The following COCH variants were observed in gnomAD, a reference collection of about 807,000 sequenced individuals.
COCH encodes the protein coagulation factor C homolog, cochlin (Limulus polyphemus).
COCH carries 40 observed loss-of-function variants against 54.8 expected under a neutral mutation model. The ratio of observed to expected loss-of-function variants is 0.73; its 90% CI spans 0.57 to 0.95. The LOEUF is 0.95. Among genes scored for constraint, COCH ranks in the 40% least tolerant of loss-of-function variants. The probability of loss-of-function intolerance (pLI) is 0.00; values close to 1 mark genes in which losing one functional copy is unlikely to be tolerated. For missense variants in COCH, 605 were observed against 675.0 expected (o/e 0.90, Z 1.15); for synonymous variants, 256 against 237.9 (o/e 1.08, Z -0.70).
chr14:30,887,414 A>AAAAAAAAAC (rs1566414527), intron 11 of COCH, among the ~76,000 whole-genome samples: 1 of 148,436 alleles, frequency 6.7e-6, no homozygotes, highest in African/African-American at 2.4e-5. Context: ...AAAAAAAAAA[A>AAAAAAAAAC]AAAAAACTTT....
rs1028873214 is a variant in COCH, at chr14:30,886,125, C to A, written c.1290C>A (p.Val430=). 6.2e-7 allele frequency: 1 copy of A among 1,612,992 alleles called. No individual in the cohort carries two copies. Among genetic ancestry groups the A allele is most frequent in the African/African-American group, 1.3e-5 (1 of 74,908 alleles). The change falls in exon 11 of 12, where the codon GTC becomes GTA. Residue 430 remains valine (V), a synonymous_variant. Transcript: ENST00000396618. Reference sequence around the variant, plus strand: ...CTGACTATAGCACCAAAGAGAATGTCCTAGCTGTCATCAGAAACATCCGCT... The same window carrying A: ...CTGACTATAGCACCAAAGAGAATGTACTAGCTGTCATCAGAAACATCCGCT... ...SFTDYSTKEN[V]LAVIRNIRYM...
At chr14:30,879,078 C>A in intron 5 of COCH, 134 bp downstream of exon 5, 1 of 1,335,410 alleles carries the variant, frequency 7.5e-7, no homozygotes, top group Non-Finnish European at 1.1e-6. Flanking sequence ...TAGAGGTAAA[C>A]TGTAGGTTAG....
At position 30,884,544 on chromosome 14, in the gene COCH, T is replaced by C. The variant is rs368182881; in HGVS notation, c.630-9T>C. On this transcript the variant is annotated splice_polypyrimidine_tract_variant and intron_variant, in intron 8 of 11. Transcript: ENST00000396618. The stretch of plus-strand genomic sequence containing the variant: ...TCTCCCTGAATAACATTTTCTTTCT[T>C]CCACTCAGTGAACATCCCAAAATAG... 7.4e-4 allele frequency: 1,160 copies of C among 1,570,184 alleles called. 20 individuals carry two copies. In the South Asian group the frequency reaches 0.012, roughly 16 times the overall value.
chr14:30,883,953 A>G (rs1322275345), intron 8 of COCH, among the ~76,000 whole-genome samples: 1 of 152,178 alleles, frequency 6.6e-6, no homozygotes, highest in Non-Finnish European at 1.5e-5. Context: ...GGTCACATCA[A>G]TGAAATTGTT....
At position 30,874,910 on chromosome 14, in the gene COCH, T is replaced by C. The variant is rs781298231; in HGVS notation, c.-23-6T>C. ...TGGCCTTGCCCGCATTCTCCCTCTC[T>C]CCCAGGTGTGAGCAGCCTATCAGTC... On this transcript the variant is annotated splice_polypyrimidine_tract_variant and splice_region_variant and intron_variant, in intron 1 of 11. Transcript: ENST00000396618. The C allele has an allele frequency of 3.1e-6, 5 of 1,613,042 alleles. No homozygotes were observed. The African/African-American group carries it at 4.0e-5, about 13-fold the overall frequency.
At chr14:30,895,408 G>A (rs772576435), downstream of COCH, 2 of 1,591,720 alleles carry the variant, frequency 1.3e-6, no homozygotes, top group Non-Finnish European at 1.7e-6. Flanking sequence ...AGTTTTTGTT[G>A]ATTCATACAA....
At chr14:30,875,243 C>A in intron 3 of COCH, 140 bp downstream of exon 3, 2 of 1,224,582 alleles carry the variant, frequency 1.6e-6, no homozygotes, top group Non-Finnish European at 2.3e-6. Flanking sequence ...CGCCGCGTGG[C>A]GCGCCCGCGT....
At chr14:30,881,997 ATATT>A (rs1383293681) in intron 8 of COCH, among the ~76,000 whole-genome samples, 2 of 144,216 alleles carry the variant, frequency 1.4e-5, no homozygotes, top group African/African-American at 2.7e-5. Flanking sequence ...AAATAAATAA[ATATT>A]TATTTATTAA....
chr14:30,877,829 T>A lies in COCH; in HGVS notation c.239+101T>A. The A allele has an allele frequency of 6.4e-7, 1 of 1,573,116 alleles. No individual in the cohort carries two copies. Among genetic ancestry groups the A allele is most frequent in the Admixed American group, 1.8e-5 (1 of 55,950 alleles). ...CCTTTCCTCCCTGCATTCTTTCTTT[T>A]GTTGCCATTGTGGCCACAGAAAATG... is the stretch of plus-strand genomic sequence containing the variant. On this transcript the variant is annotated intron_variant, in intron 4 of 11. Transcript: ENST00000396618. The surrounding 1 kb of genome is among the most constrained non-coding windows in gnomAD (Gnocchi z 8.6).
At chr14:30,881,686 C>T (rs549976690) in intron 8 of COCH, among the ~76,000 whole-genome samples, 5 of 152,062 alleles carry the variant, frequency 3.3e-5, no homozygotes, top group Non-Finnish European at 7.4e-5. Flanking sequence ...TGGCCAGGTG[C>T]GGTGGCTCAC....
chr14:30,892,297 A>T (rs2138907685), downstream of COCH, among the ~76,000 whole-genome samples: 1 of 152,336 alleles, frequency 6.6e-6, no homozygotes, highest in African/African-American at 2.4e-5. Context: ...AATACATTCC[A>T]AAATACGTCA....
At chr14:30,879,066 T>C in intron 5 of COCH, 122 bp downstream of exon 5, 1 of 1,409,410 alleles carries the variant, frequency 7.1e-7, no homozygotes, top group South Asian at 1.2e-5. Context: ...AAAGCTGACC[T>C]ATAGAGGTAA....
Sources: allele counts gnomAD v4.1 joint callset (sites outside exome capture counted in the v4.1 genomes callset), GRCh38; gene constraint gnomAD v4.1.1; non-coding constraint Gnocchi (gnomAD v3.1); transcripts MANE v1.5; gene names NCBI Gene and HGNC (gene_info 2026-07-23, HGNC 2026-07-21).